The following KDM1A variants were observed in gnomAD, a reference collection of about 807,000 sequenced individuals.
The protein encoded by KDM1A is lysine-specific histone demethylase 1A.
KDM1A carries 49 observed loss-of-function variants against 109.4 expected under a neutral mutation model. The observed-to-expected ratio is 0.45, with a 90% confidence interval of 0.36 to 0.57. KDM1A has a LOEUF of 0.57. Ranked by LOEUF, KDM1A falls within the 20% of genes least tolerant of loss-of-function variation. KDM1A has a pLI of 0.00. For synonymous variants in KDM1A, 380 were observed against 415.4 expected (o/e 0.91, Z 1.04); for missense variants, 668 against 1,116.6 (o/e 0.60, Z 5.73).
intron 15 of KDM1A, among the ~76,000 whole-genome samples, chr1:23,075,703 T>G (rs1469534051): frequency 2.6e-5 from 4 of 152,148 alleles, no homozygotes; most frequent in African/African-American, 9.7e-5. Context: ...ATCCCAGCAC[T>G]TTGGGAGGCC....
chr1:23,027,437 A>C, intron 1 of KDM1A, among the ~76,000 whole-genome samples: 1 of 125,210 alleles, frequency 8.0e-6, no homozygotes, highest in African/African-American at 3.0e-5. Flanking sequence ...TTTTTGAGAC[A>C]GGGTCTCGAC....
At chr1:23,042,440 A>ATT (rs769149894) in intron 2 of KDM1A, among the ~76,000 whole-genome samples, 52 of 21,554 alleles carry the variant, frequency 2.4e-3, no homozygotes, top group Non-Finnish European at 3.5e-3. Flanking sequence ...GAAATATATT[A>ATT]TTTTTTTTTT....
intron 2 of KDM1A, 55 bp downstream of exon 2, chr1:23,030,689 G>T (rs1185499987): frequency 7.7e-6 from 11 of 1,433,466 alleles, no homozygotes; most frequent in South Asian, 3.1e-5. Context: ...AAGAATGAAT[G>T]GATTTATTTC....
Position 23,082,332 on chromosome 1 carries a change from T to C in KDM1A, c.2411T>C (p.Ile804Thr). 3 of 1,613,986 alleles carry C rather than the reference T, an allele frequency of 1.9e-6. No individual in the cohort carries two copies. The highest frequency in any genetic ancestry group is 1.7e-6 in the Non-Finnish European group (2 of 1,179,986). The change falls in exon 20 of 21, where the codon ATC (isoleucine) becomes ACC (threonine). Residue 804 changes from isoleucine to threonine, a missense_variant. By Grantham distance (89) the Ile-to-Thr change is moderately conservative. Around this residue, in one of 8 missense-constraint regions of KDM1A, gnomAD observed 69 missense variants for 99.6 expected, o/e 0.69. Transcript: ENST00000400181. The stretch of plus-strand genomic sequence containing the variant: ...GACTATGATTTAATGGCTCAGCCAA[T>C]CACTCCTGGCCCCTCGATTCCAGGT... Reference protein sequence around the residue: ...GNDYDLMAQPITPGPSIPGAP... With the variant: ...GNDYDLMAQPTTPGPSIPGAP...
chr1:23,055,109 G>A lies in KDM1A; in HGVS notation c.831G>A (p.Glu277=). ...VLVHRVHSYL[E]RHGLINFGIY... ...TCCACCGAGTTCACAGTTATTTAGA[G>A]CGTCATGGTCTTATCAACTTCGGCA... Residue 277 remains glutamate (E), a synonymous_variant, in exon 6 of 21, where the codon GAG becomes GAA. Coordinates refer to ENST00000400181, the MANE Select transcript of KDM1A (RefSeq NM_001009999.3). 1.2e-6 allele frequency: 2 copies of A among 1,612,544 alleles called. No homozygotes were observed. The highest frequency in any genetic ancestry group is 1.7e-6 in the Non-Finnish European group (2 of 1,179,536).
At chr1:23,065,675 A>G (rs1441308166) in intron 9 of KDM1A, among the ~76,000 whole-genome samples, 2 of 152,142 alleles carry the variant, frequency 1.3e-5, no homozygotes, top group African/African-American at 2.4e-5. Context: ...GTGTCAGTCA[A>G]ATGTGGCAGC....
intron 3 of KDM1A, among the ~76,000 whole-genome samples, chr1:23,049,495 C>G (rs1642600172): frequency 6.6e-6 from 1 of 151,666 alleles, no homozygotes. Context: ...ACAAGCCTGG[C>G]CAACATGGTG....
At chr1:23,061,264 T>C (rs80347575) in intron 9 of KDM1A, among the ~76,000 whole-genome samples, 2 of 152,188 alleles carry the variant, frequency 1.3e-5, no homozygotes, top group South Asian at 2.1e-4. Flanking sequence ...CTTTTTTTTT[T>C]CCTGGTAGCA....
At chr1:23,039,130 TTC>T in intron 2 of KDM1A, among the ~76,000 whole-genome samples, 1 of 152,352 alleles carries the variant, frequency 6.6e-6, no homozygotes, top group East Asian at 1.9e-4. Context: ...CCATTCTTAC[TTC>T]TGAGTTCTAT....
intron 9 of KDM1A, among the ~76,000 whole-genome samples, chr1:23,065,707 T>C (rs949562138): frequency 3.3e-5 from 5 of 152,180 alleles, no homozygotes; most frequent in Admixed American, 2.0e-4. Context: ...TTGGTTTTTG[T>C]TTGTTTGATT....
rs775087343 is a variant in KDM1A, at chr1:23,057,507, C to G, written c.1014C>G (p.Ala338=). The change falls in exon 8 of 21, where the codon GCC becomes GCG. Residue 338 remains alanine, a synonymous_variant. Transcript: ENST00000400181. ...AGGATCGTGTGGGTGGACGAGTTGC[C>G]ACATTTCGCAAAGGAAACTATGTAG... ...EARDRVGGRV[A]TFRKGNYVAD... 1 of 1,613,850 alleles carries G rather than the reference C, an allele frequency of 6.2e-7. No individual in the cohort carries two copies. Among genetic ancestry groups the G allele is most frequent in the East Asian group, 2.2e-5 (1 of 44,850 alleles).
chr1:23,026,395 T>TTTA (rs1553124906), intron 1 of KDM1A, among the ~76,000 whole-genome samples: 1 of 108,944 alleles, frequency 9.2e-6, no homozygotes, highest in Non-Finnish European at 1.7e-5. Context: ...TGTCTGTTTG[T>TTTA]TTTTTTTTTT....
chr1:23,048,263 TTTTA>T (rs1373390463), intron 3 of KDM1A, among the ~76,000 whole-genome samples: 33 of 152,102 alleles, frequency 2.2e-4, no homozygotes, highest in South Asian at 2.1e-4. Flanking sequence ...TGTTTTCAGT[TTTTA>T]TTTATTTTGA....
chr1:23,039,242 T>G (rs1165273078), intron 2 of KDM1A, among the ~76,000 whole-genome samples: 2 of 152,218 alleles, frequency 1.3e-5, no homozygotes, highest in African/African-American at 2.4e-5. Context: ...TCTTCTGAAC[T>G]TAAAACCCTA....
intron 1 of KDM1A, among the ~76,000 whole-genome samples, chr1:23,021,701 T>C (rs1023387243): frequency 1.3e-5 from 2 of 152,148 alleles, no homozygotes; most frequent in African/African-American, 2.4e-5. Context: ...GGATAATGCA[T>C]GTATAATAAT....
intron 4 of KDM1A, among the ~76,000 whole-genome samples, chr1:23,050,779 A>G (rs907820541): frequency 2.0e-5 from 3 of 152,118 alleles, no homozygotes; most frequent in Admixed American, 6.5e-5. Flanking sequence ...AACCTCATAA[A>G]TACACATTAA....
chr1:23,047,574 C>T (rs1291861246), intron 3 of KDM1A, among the ~76,000 whole-genome samples: 2 of 152,080 alleles, frequency 1.3e-5, no homozygotes, highest in Non-Finnish European at 2.9e-5. Flanking sequence ...AAAAATTCCC[C>T]AAATTAGCCA....
rs748931758 is a variant in KDM1A at position 23,050,468 on chromosome 1, T to C, written c.659T>C (p.Ile220Thr). 8.7e-6 allele frequency: 14 copies of C among 1,613,310 alleles called. No homozygotes were observed. Among genetic ancestry groups the C allele is most frequent in the Non-Finnish European group, 1.0e-5 (12 of 1,179,650 alleles). Reference protein sequence around the residue: ...SQEAACFPDIISGPQQTQKVF... With the variant: ...SQEAACFPDITSGPQQTQKVF... The stretch of plus-strand genomic sequence containing the variant: ...GAAGCAGCCTGTTTTCCAGATATTA[T>C]CAGTGGACCACAACAGACCCAGAAG... Residue 220 changes from isoleucine (I) to threonine (T), a missense_variant, in exon 4 of 21, where the codon ATC becomes ACC. Physicochemically the swap from Ile to Thr is moderately conservative, Grantham distance 89. Coordinates refer to ENST00000400181, the MANE Select transcript of KDM1A (RefSeq NM_001009999.3).
chr1:23,053,433 T>C (rs1642731112), intron 4 of KDM1A, among the ~76,000 whole-genome samples: 1 of 152,238 alleles, frequency 6.6e-6, no homozygotes, highest in African/African-American at 2.4e-5. Flanking sequence ...TTGCCCAGGC[T>C]GTAGTACAGT....
Sources: gnomAD v4.1 joint callset for allele counts (sites outside exome capture counted in the v4.1 genomes callset) on GRCh38, gnomAD v4.1.1 for gene constraint, gnomAD v4.1.1 regional missense constraint, MANE v1.5 for transcripts, NCBI Gene and HGNC (gene_info 2026-07-23, HGNC 2026-07-21) for gene names.